The following ADGRL3 variants were observed in gnomAD, a reference collection of about 807,000 sequenced individuals.
ADGRL3 encodes the protein calcium-independent alpha-latrotoxin receptor 3.
A neutral mutation model predicts 153.5 loss-of-function variants in ADGRL3; 62 were observed. That is an observed-to-expected ratio of 0.40 (90% CI 0.33 to 0.50). The LOEUF (loss-of-function observed/expected upper bound fraction) is 0.50, where lower values mean the gene tolerates loss of function less well. Ranked by LOEUF, ADGRL3 falls within the 20% of genes least tolerant of loss-of-function variation. The pLI is 0.47. For synonymous variants in ADGRL3, 710 were observed against 672.5 expected (o/e 1.06, Z -0.86); for missense variants, 1,641 against 1,859.4 (o/e 0.88, Z 2.16).
rs376929302 is a variant in ADGRL3, at chr4:62,031,478, A to T, written c.3459A>T (p.Leu1153=). The part of the protein sequence containing the change: ...WVIGAIALLC[L]LGLTWAFGLM... ...TAGGTGCAATAGCTCTTCTCTGCCT[A>T]TTAGGATTGACCTGGGCCTTTGGAC... Residue 1153 remains leucine (L), a synonymous_variant, in exon 23 of 27, where the codon CTA becomes CTT. Coordinates refer to ENST00000683033, the MANE Select transcript of ADGRL3 (RefSeq NM_001387552.1). 2.5e-6 allele frequency: 4 copies of T among 1,610,596 alleles called. No individual in the cohort carries two copies. In the South Asian group the frequency reaches 4.4e-5, roughly 18 times the overall value.
chr4:61,353,778 C>T (rs780937437), intron 1 of ADGRL3, among the ~76,000 whole-genome samples: 16 of 147,136 alleles, frequency 1.1e-4, no homozygotes, highest in Admixed American at 2.8e-4. Context: ...AGCTTCTACT[C>T]ACCCCGAAAT....
intron 2 of ADGRL3, among the ~76,000 whole-genome samples, chr4:61,392,243 T>G (rs964631003): frequency 1.3e-5 from 2 of 152,048 alleles, no homozygotes; most frequent in Admixed American, 1.3e-4. Flanking sequence ...TTGTTTCCTA[T>G]CGTAGATGAT....
intron 2 of ADGRL3, among the ~76,000 whole-genome samples, chr4:61,426,482 A>C (rs1401930530): frequency 6.6e-6 from 1 of 152,090 alleles, no homozygotes; most frequent in East Asian, 1.9e-4. Flanking sequence ...TCAGCAGTAC[A>C]GTTATGTTTT....
intron 13 of ADGRL3, among the ~76,000 whole-genome samples, chr4:61,924,449 T>A (rs545618268): frequency 6.6e-6 from 1 of 152,318 alleles, no homozygotes; most frequent in East Asian, 1.9e-4. Flanking sequence ...CAAACCATTC[T>A]CCTGAACTCC....
intron 1 of ADGRL3, among the ~76,000 whole-genome samples, chr4:61,335,691 A>G (rs1445456556): frequency 6.6e-6 from 1 of 152,196 alleles, no homozygotes; most frequent in African/African-American, 2.4e-5. Flanking sequence ...TCAAATATAT[A>G]TCAGGGTGCC....
intron 25 of ADGRL3, among the ~76,000 whole-genome samples, chr4:62,064,745 T>C (rs1222046415): frequency 6.6e-6 from 1 of 151,950 alleles, no homozygotes; most frequent in Non-Finnish European, 1.5e-5. Context: ...GAATGTGCCA[T>C]TGCAGAAAAG....
rs559101583 is a variant in ADGRL3 at position 62,031,019 on chromosome 4, A to G, written c.3423-423A>G. Among the ~76,000 whole-genome samples the G allele has an allele frequency of 2.2e-4, 33 of 151,720 alleles. No homozygotes were observed. In the South Asian group the frequency reaches 6.2e-3, roughly 29 times the overall value. On this transcript the variant is annotated intron_variant, in intron 22 of 26. Transcript: ENST00000683033. ...TTGTGGAAAAAGAGGACATTTTGAAAAAGCGAGGTAAAAATGTATCAGAAG... is the reference window on the plus strand; with the variant it reads ...TTGTGGAAAAAGAGGACATTTTGAAGAAGCGAGGTAAAAATGTATCAGAAG...
chr4:61,493,859 G>A (rs970971006), intron 2 of ADGRL3, among the ~76,000 whole-genome samples: 7 of 152,182 alleles, frequency 4.6e-5, no homozygotes, highest in Non-Finnish European at 1.0e-4. Flanking sequence ...AGAGGAAAGA[G>A]CACTAATGTT....
chr4:61,452,909 G>A (rs1019059929), intron 2 of ADGRL3, among the ~76,000 whole-genome samples: 2 of 152,020 alleles, frequency 1.3e-5, no homozygotes, highest in African/African-American at 4.8e-5. Context: ...AAAAAATATT[G>A]TATAGACTAG....
intron 9 of ADGRL3, among the ~76,000 whole-genome samples, chr4:61,884,063 A>G (rs2098523435): frequency 6.6e-6 from 1 of 152,222 alleles, no homozygotes; most frequent in African/African-American, 2.4e-5. Context: ...AATAATTATT[A>G]TTCAACATTT....
At chr4:61,636,759 T>C (rs1387604296) in intron 5 of ADGRL3, among the ~76,000 whole-genome samples, 3 of 151,070 alleles carry the variant, frequency 2.0e-5, no homozygotes. Flanking sequence ...TATATATTTA[T>C]GTAGGAAGAT....
At chr4:61,584,235 G>C (rs1258760899) in intron 4 of ADGRL3, among the ~76,000 whole-genome samples, 1 of 151,910 alleles carries the variant, frequency 6.6e-6, no homozygotes, top group African/African-American at 2.4e-5. Context: ...ATCATTTATG[G>C]AGTGCAGTTT....
At chr4:61,308,795 C>T (rs1417622162) in intron 1 of ADGRL3, among the ~76,000 whole-genome samples, 1 of 152,096 alleles carries the variant, frequency 6.6e-6, no homozygotes, top group Non-Finnish European at 1.5e-5. Context: ...TTGAAACCTT[C>T]TCATCATTAG....
intron 5 of ADGRL3, among the ~76,000 whole-genome samples, chr4:61,603,606 T>G (rs952820947): frequency 1.3e-5 from 2 of 152,120 alleles, no homozygotes; most frequent in African/African-American, 2.4e-5. Flanking sequence ...ACGGTCAAAG[T>G]TTTTGGAATA....
At chr4:61,732,116 C>CTTCT (rs1413154411) in intron 7 of ADGRL3, among the ~76,000 whole-genome samples, 2 of 151,876 alleles carry the variant, frequency 1.3e-5, no homozygotes, top group East Asian at 3.9e-4. Context: ...TTCCTTATTC[C>CTTCT]TTCTTTCCTT....
At chr4:61,376,823 A>G (rs925067318) in intron 1 of ADGRL3, among the ~76,000 whole-genome samples, 6 of 152,182 alleles carry the variant, frequency 3.9e-5, no homozygotes, top group Admixed American at 3.9e-4. Context: ...CTTAGATACT[A>G]GCAGTAAGTT....
At chr4:61,982,878 C>G (rs921042857) in intron 18 of ADGRL3, among the ~76,000 whole-genome samples, 14 of 152,096 alleles carry the variant, frequency 9.2e-5, no homozygotes, top group Non-Finnish European at 4.4e-5. Context: ...TAATTAATTT[C>G]ATCATGAAAC....
chr4:61,505,731 T>C (rs2098423809), intron 3 of ADGRL3, among the ~76,000 whole-genome samples: 2 of 152,070 alleles, frequency 1.3e-5, no homozygotes, highest in African/African-American at 4.8e-5. Flanking sequence ...CCTCTTGTAG[T>C]TCATCTCAAG....
intron 8 of ADGRL3, among the ~76,000 whole-genome samples, chr4:61,752,320 G>A (rs2096767296): frequency 6.6e-6 from 1 of 152,106 alleles, no homozygotes; most frequent in African/African-American, 2.4e-5. Flanking sequence ...GGCTTGGAAA[G>A]CCTATTATAT....
Sources: gnomAD v4.1 joint callset for allele counts (sites outside exome capture counted in the v4.1 genomes callset) on GRCh38, gnomAD v4.1.1 for gene constraint, MANE v1.5 for transcripts, NCBI Gene and HGNC (gene_info 2026-07-23, HGNC 2026-07-21) for gene names.